The following RASSF5 variants were observed in gnomAD, a reference collection of about 807,000 sequenced individuals.
The protein encoded by RASSF5 is ras association domain-containing protein 5.
Under a neutral mutation model 40.5 loss-of-function variants are expected in RASSF5, and 25 were observed. The observed-to-expected ratio is 0.62, with a 90% CI of 0.45 to 0.86. The LOEUF is 0.86. Among genes scored for constraint, RASSF5 ranks in the 40% least tolerant of loss-of-function variants. RASSF5 has a pLI of 0.00. For missense variants in RASSF5, 521 were observed against 572.8 expected (o/e 0.91, Z 0.92); for synonymous variants, 246 against 252.4 (o/e 0.97, Z 0.24).
rs556052878 is a variant in RASSF5 at position 206,538,082 on chromosome 1, A to C, written c.458-90A>C. 317 of 1,564,588 alleles carry C rather than the reference A, an allele frequency of 2.0e-4. 1 individual carries two copies. Among genetic ancestry groups the C allele is most frequent in the Non-Finnish European group, 2.6e-4 (294 of 1,141,592 alleles). ...TCCTGCACTGCTCTTCCCACTGGGA[A>C]CTAATGCAATCTCCAAGGTTATTTC... On this transcript the variant is annotated intron_variant, in intron 1 of 5. Transcript: ENST00000579436.
rs1186386739 is a variant in RASSF5 at position 206,513,513 on chromosome 1, TGTGCTG to T, written c.457+5458_457+5463del. ...TCTCACAAGCTTGCAGACCTGGGTC[TGTGCTG>T]GTGGCAGGATGCTTTCTGCCTCCCT... On this transcript the variant is annotated intron_variant, in intron 1 of 5. Coordinates refer to ENST00000579436, the MANE Select transcript of RASSF5 (RefSeq NM_182663.4). This position sits in a 1 kb window ranked among gnomAD's most constrained non-coding sequence, Gnocchi z 5.0. Among the ~76,000 whole-genome samples, 3 of 152,204 alleles carry T rather than the reference TGTGCTG, an allele frequency of 2.0e-5. No homozygotes were observed. Among genetic ancestry groups the T allele is most frequent in the Non-Finnish European group, 4.4e-5 (3 of 68,030 alleles).
Position 206,583,401 on chromosome 1 carries a change from A to G in RASSF5, c.690+22A>G, listed in dbSNP as rs11805313. 1,026 of 1,517,234 alleles carry G rather than the reference A, an allele frequency of 6.8e-4. 10 individuals are homozygous for G. In the African/African-American group the frequency reaches 0.012, roughly 18 times the overall value. 94.0% of individuals were successfully genotyped at this position (1,517,234 alleles called of 1,614,324 possible). On this transcript the variant is annotated intron_variant, in intron 3 of 5. Transcript: ENST00000579436. ...ACTGGTAAGCGCCCGTCCACCCTCAACCTGGCCCCTGCTCCACCACCCGCT... is the reference window on the plus strand; with the variant it reads ...ACTGGTAAGCGCCCGTCCACCCTCAGCCTGGCCCCTGCTCCACCACCCGCT...
rs1183238383 is a variant in RASSF5, at chr1:206,579,824, A to C, written c.580-3445A>C. Among the ~76,000 whole-genome samples the C allele has an allele frequency of 6.6e-6, 1 of 152,200 alleles. No homozygotes were observed. The highest frequency in any genetic ancestry group is 1.5e-5 in the Non-Finnish European group (1 of 68,036). ...GGATTATACGCCATCTCTTGGGTGGAAAAAGGATCCGTGAGCCCTCGTGGC... is the reference window on the plus strand; with the variant it reads ...GGATTATACGCCATCTCTTGGGTGGCAAAAGGATCCGTGAGCCCTCGTGGC... On this transcript the variant is annotated intron_variant, in intron 2 of 5. Transcript: ENST00000579436. This position sits in a 1 kb window ranked among gnomAD's most constrained non-coding sequence, Gnocchi z 4.2.
chr1:206,518,707 G>A (rs1666826806), intron 1 of RASSF5, among the ~76,000 whole-genome samples: 1 of 152,136 alleles, frequency 6.6e-6, no homozygotes, highest in Non-Finnish European at 1.5e-5. Flanking sequence ...CAAAGGCACA[G>A]GTGCTGTCAC....
chr1:206,508,322 CCACACACACA>C (rs368124193), intron 1 of RASSF5, among the ~76,000 whole-genome samples: 3 of 146,514 alleles, frequency 2.0e-5, no homozygotes, highest in Non-Finnish European at 4.5e-5. Context: ...CCTTGGCCCT[CCACACACACA>C]CACACACACA....
intron 1 of RASSF5, among the ~76,000 whole-genome samples, chr1:206,536,078 C>T (rs1305098017): frequency 6.6e-6 from 1 of 152,120 alleles, no homozygotes; most frequent in Non-Finnish European, 1.5e-5. Flanking sequence ...CTTATCAAAA[C>T]CCTGGTATTT....
rs371654772 is a variant in RASSF5, at chr1:206,532,600, G to A, written c.458-5572G>A. 5.9e-5 allele frequency among the ~76,000 whole-genome samples: 9 copies of A among 152,368 alleles called. No homozygotes were observed. In the South Asian group the frequency reaches 1.2e-3, roughly 21 times the overall value. Reference sequence around the variant, plus strand: ...AGGCATAGGGATGTTCAGAGAATGCGCATACGTTCCCGGATTCAGAAGTTG... The same window carrying A: ...AGGCATAGGGATGTTCAGAGAATGCACATACGTTCCCGGATTCAGAAGTTG... On this transcript the variant is annotated intron_variant, in intron 1 of 5. Transcript: ENST00000579436.
chr1:206,531,862 C>T lies in RASSF5; in HGVS notation c.458-6310C>T, dbSNP rs1439024655. ...AGCATCCTGGCTAACATAGTGAAAC[C>T]CTGTCTCTACTAAAAAAAAATAAAT... On this transcript the variant is annotated intron_variant, in intron 1 of 5. Transcript: ENST00000579436. The surrounding 1 kb of genome is among the most constrained non-coding windows in gnomAD (Gnocchi z 4.7). Among the ~76,000 whole-genome samples, 1 of 150,896 alleles carries T rather than the reference C, an allele frequency of 6.6e-6. No individual in the cohort carries two copies. The highest frequency in any genetic ancestry group is 1.5e-5 in the Non-Finnish European group (1 of 67,938).
intron 1 of RASSF5, among the ~76,000 whole-genome samples, chr1:206,508,882 T>C (rs1317668046): frequency 2.0e-5 from 3 of 152,124 alleles, no homozygotes; most frequent in African/African-American, 7.2e-5. Context: ...GCCCCCAGTG[T>C]ATAGATTTTC....
chr1:206,521,336 C>T (rs528411245), intron 1 of RASSF5, among the ~76,000 whole-genome samples: 17 of 152,130 alleles, frequency 1.1e-4, no homozygotes, highest in Non-Finnish European at 2.1e-4. Flanking sequence ...TGCTTTCGCC[C>T]GGTTGATGAT....
At chr1:206,557,291 A>C in intron 2 of RASSF5, 1 of 1,231,578 alleles carries the variant, frequency 8.1e-7, no homozygotes. Flanking sequence ...CGGACGAGTC[A>C]GGGAGTGAGG....
chr1:206,511,586 C>T (rs1203433907), intron 1 of RASSF5, among the ~76,000 whole-genome samples: 1 of 152,036 alleles, frequency 6.6e-6, no homozygotes, highest in African/African-American at 2.4e-5. Flanking sequence ...CCAGAGGGGG[C>T]GTTATTCAGA....
At chr1:206,581,591 G>A (rs1242581627) in intron 2 of RASSF5, among the ~76,000 whole-genome samples, 7 of 149,204 alleles carry the variant, frequency 4.7e-5, no homozygotes, top group South Asian at 2.1e-4. Context: ...AGAGGGAGAC[G>A]AAAGAAAAGA....
At position 206,507,734 on chromosome 1, in the gene RASSF5, CTG is replaced by C. The variant is rs1184543828; in HGVS notation, c.136_137del (p.Val46ProfsTer92). The C allele has an allele frequency of 2.0e-6, 3 of 1,478,022 alleles. No homozygotes were observed. The African/African-American group carries it at 4.4e-5, about 22-fold the overall frequency. The allele number at this position is 1,478,022 out of a possible 1,614,324, so 91.6% of individuals were successfully genotyped here. A position where few individuals can be genotyped will look rare whatever the true frequency, so the allele number is the denominator to read the frequency against. On this transcript the variant is annotated frameshift_variant, in exon 1 of 6. Coordinates refer to ENST00000579436, the MANE Select transcript of RASSF5 (RefSeq NM_182663.4). LOFTEE classifies it high-confidence loss of function. ...PPPPDRSSRLCVPAPLSTAPG... is the reference protein window; with the variant it reads ...PPPPDRSSRLXVPAPLSTAPG... Reference sequence around the variant, plus strand: ...CGCCCCCCGACCGGTCCTCGCGCCTCTGTGTCCCGGCGCCCCTCTCCACTGCG... The same window carrying C: ...CGCCCCCCGACCGGTCCTCGCGCCTCTGTCCCGGCGCCCCTCTCCACTGCG...
intron 1 of RASSF5, among the ~76,000 whole-genome samples, chr1:206,520,042 C>A (rs1450917113): frequency 1.3e-5 from 2 of 152,200 alleles, no homozygotes; most frequent in Non-Finnish European, 2.9e-5. Flanking sequence ...CATTTCCTCG[C>A]TCCTTTGCTA....
At chr1:206,510,789 C>T (rs1040706610) in intron 1 of RASSF5, among the ~76,000 whole-genome samples, 1 of 152,152 alleles carries the variant, frequency 6.6e-6, no homozygotes, top group East Asian at 1.9e-4. Context: ...TTCTTGCACC[C>T]AGCAGAGTGC....
intron 1 of RASSF5, among the ~76,000 whole-genome samples, chr1:206,532,605 C>T (rs538481894): frequency 1.3e-5 from 2 of 152,362 alleles, no homozygotes; most frequent in South Asian, 2.1e-4. Flanking sequence ...AATGCGCATA[C>T]GTTCCCGGAT....
At chr1:206,547,887 C>T (rs1045825399) in intron 2 of RASSF5, among the ~76,000 whole-genome samples, 1 of 152,084 alleles carries the variant, frequency 6.6e-6, no homozygotes, top group Non-Finnish European at 1.5e-5. Context: ...TCCAGGTTTC[C>T]ATCCGATATC....
chr1:206,548,569 T>C (rs1667755826), intron 2 of RASSF5, among the ~76,000 whole-genome samples: 1 of 152,222 alleles, frequency 6.6e-6, no homozygotes, highest in Non-Finnish European at 1.5e-5. Context: ...AACATGCGAT[T>C]TGGAGGGGAC....
Sources: gnomAD v4.1 joint callset for allele counts (sites outside exome capture counted in the v4.1 genomes callset) on GRCh38, gnomAD v4.1.1 for gene constraint, Gnocchi (gnomAD v3.1) non-coding constraint, MANE v1.5 for transcripts, NCBI Gene and HGNC (gene_info 2026-07-23, HGNC 2026-07-21) for gene names.